Variants in CRYL1 observed in about 807,000 individuals in gnomAD.
The protein encoded by CRYL1 is lambda-crystallin homolog.
CRYL1 carries 29 observed loss-of-function variants against 36.6 expected under a neutral mutation model. That is an observed-to-expected ratio of 0.79 (90% confidence interval 0.59 to 1.08). The LOEUF (loss-of-function observed/expected upper bound fraction) is 1.08. Ranked by LOEUF, CRYL1 falls within the 50% of genes least tolerant of loss-of-function variation. The pLI, the probability that CRYL1 is intolerant of heterozygous loss-of-function variation, is 0.00. For missense variants in CRYL1, 411 were observed against 407.9 expected (o/e 1.01, Z -0.06); for synonymous variants, 152 against 151.5 (o/e 1.00, Z -0.02).
At chr13:20,497,215 T>C in intron 2 of CRYL1, among the ~76,000 whole-genome samples, 1 of 151,698 alleles carries the variant, frequency 6.6e-6, no homozygotes, top group Non-Finnish European at 1.5e-5. Context: ...GGGCTTCAGA[T>C]AGAGGACACC....
chr13:20,463,798 A>T (rs2032878819), intron 3 of CRYL1, among the ~76,000 whole-genome samples: 2 of 152,246 alleles, frequency 1.3e-5, no homozygotes, highest in Admixed American at 1.3e-4. Flanking sequence ...GAAATGTATA[A>T]AATGACACAT....
intron 3 of CRYL1, among the ~76,000 whole-genome samples, chr13:20,484,035 C>T (rs1227442194): frequency 2.6e-5 from 4 of 152,228 alleles, no homozygotes; most frequent in Admixed American, 6.5e-5. Context: ...CCAGGATGGT[C>T]TCCATCTCCT....
At chr13:20,471,267 A>G (rs2033053186) in intron 3 of CRYL1, among the ~76,000 whole-genome samples, 1 of 152,050 alleles carries the variant, frequency 6.6e-6, no homozygotes, top group Non-Finnish European at 1.5e-5. Context: ...TAAAGCAAAC[A>G]AAAACATGTA....
chr13:20,504,741 A>G (rs910543607), intron 2 of CRYL1, among the ~76,000 whole-genome samples: 2 of 152,200 alleles, frequency 1.3e-5, no homozygotes, highest in African/African-American at 4.8e-5. Context: ...AAATGTAAAC[A>G]TGCTAAGTTT....
chr13:20,434,668 G>A (rs1462965157), intron 4 of CRYL1, among the ~76,000 whole-genome samples: 1 of 144,462 alleles, frequency 6.9e-6, no homozygotes, highest in African/African-American at 2.6e-5. Flanking sequence ...GTCTTTCCCT[G>A]CTGTGGAAGC....
intron 5 of CRYL1, among the ~76,000 whole-genome samples, chr13:20,428,123 C>T (rs887601115): frequency 6.6e-6 from 1 of 152,194 alleles, no homozygotes; most frequent in African/African-American, 2.4e-5. Flanking sequence ...TACACACAAT[C>T]TCTTCCAGAA....
chr13:20,507,673 C>T (rs1262441594), intron 2 of CRYL1, among the ~76,000 whole-genome samples: 1 of 152,218 alleles, frequency 6.6e-6, no homozygotes, highest in Non-Finnish European at 1.5e-5. Context: ...AATCCCAGCA[C>T]TTTGGGAGGC....
intron 3 of CRYL1, among the ~76,000 whole-genome samples, chr13:20,452,328 A>C (rs1222245539): frequency 6.6e-6 from 1 of 152,136 alleles, no homozygotes; most frequent in Non-Finnish European, 1.5e-5. Context: ...TAGATAGGTC[A>C]AAAGTAAAAG....
intron 5 of CRYL1, chr13:20,431,389 C>T: frequency 3.0e-6 from 3 of 985,400 alleles, no homozygotes; most frequent in Non-Finnish European, 3.6e-6. Flanking sequence ...CAGAGTCTTG[C>T]CTTCCCCCTG....
chr13:20,426,648 C>T, intron 5 of CRYL1: 2 of 979,036 alleles, frequency 2.0e-6, no homozygotes, highest in South Asian at 9.5e-5. Context: ...TATGTGCATA[C>T]AAATGATATT....
intron 3 of CRYL1, among the ~76,000 whole-genome samples, chr13:20,477,923 A>G (rs1038406784): frequency 2.0e-5 from 3 of 146,492 alleles, no homozygotes; most frequent in Non-Finnish European, 1.5e-5. Context: ...TATAGTATAT[A>G]TTACAGTATA....
At chr13:20,473,410 A>G (rs1220133653) in intron 3 of CRYL1, among the ~76,000 whole-genome samples, 1 of 152,264 alleles carries the variant, frequency 6.6e-6, no homozygotes, top group Non-Finnish European at 1.5e-5. Context: ...ATTATTTTTA[A>G]AGCTGCACAT....
intron 3 of CRYL1, among the ~76,000 whole-genome samples, chr13:20,488,941 T>C (rs910562004): frequency 6.6e-6 from 1 of 152,258 alleles, no homozygotes; most frequent in Non-Finnish European, 1.5e-5. Context: ...TTGGAAAGGC[T>C]ACATGCAAGT....
intron 1 of CRYL1, among the ~76,000 whole-genome samples, chr13:20,523,002 C>T (rs183726970): frequency 1.4e-4 from 21 of 145,914 alleles, no homozygotes; most frequent in African/African-American, 4.5e-4. Context: ...CTGAAACCTC[C>T]GCCTCCTGAG....
At chr13:20,466,159 A>G (rs2032928539) in intron 3 of CRYL1, among the ~76,000 whole-genome samples, 1 of 152,210 alleles carries the variant, frequency 6.6e-6, no homozygotes. Flanking sequence ...AGCCTCAGGT[A>G]TTCCTTCATA....
At chr13:20,463,247 T>G (rs764986169) in intron 3 of CRYL1, among the ~76,000 whole-genome samples, 93 of 152,182 alleles carry the variant, frequency 6.1e-4, no homozygotes, top group Non-Finnish European at 1.2e-3. Flanking sequence ...TGTCAAAAAT[T>G]TAGACAAACC....
intron 1 of CRYL1, among the ~76,000 whole-genome samples, chr13:20,520,844 G>A (rs1159078351): frequency 2.0e-5 from 3 of 152,268 alleles, no homozygotes; most frequent in South Asian, 2.1e-4. Flanking sequence ...GGTGGCTCAC[G>A]CCTGTAATCC....
chr13:20,410,839 T>C (rs1048081001), intron 6 of CRYL1, among the ~76,000 whole-genome samples: 2 of 152,188 alleles, frequency 1.3e-5, no homozygotes, highest in African/African-American at 4.8e-5. Flanking sequence ...ACTTAAGTCA[T>C]TTGCCCAAGG....
At chr13:20,520,231 T>C (rs1210536231) in intron 1 of CRYL1, among the ~76,000 whole-genome samples, 1 of 152,174 alleles carries the variant, frequency 6.6e-6, no homozygotes, top group African/African-American at 2.4e-5. Context: ...TGGATAAGTT[T>C]ATTAAGTTTT....
Sources: gnomAD v4.1 joint callset for allele counts (sites outside exome capture counted in the v4.1 genomes callset) on GRCh38, gnomAD v4.1.1 for gene constraint, MANE v1.5 for transcripts, NCBI Gene and HGNC (gene_info 2026-07-23, HGNC 2026-07-21) for gene names.